Variants in CD6 observed in about 807,000 individuals in gnomAD.
CD6 encodes the protein CD6 molecule.
CD6 carries 53 observed loss-of-function variants against 75.3 expected under a neutral mutation model. That is an observed-to-expected ratio of 0.70 (90% CI 0.56 to 0.88). The LOEUF (loss-of-function observed/expected upper bound fraction) is 0.88. CD6 is among the 40% of genes least tolerant of loss of function. The pLI, the probability that CD6 is intolerant of heterozygous loss-of-function variation, is 0.00. For missense variants in CD6, 770 were observed against 897.1 expected (o/e 0.86, Z 1.81); for synonymous variants, 359 against 381.5 (o/e 0.94, Z 0.69).
chr11:60,997,916 A>G (rs1408798895), intron 1 of CD6, among the ~76,000 whole-genome samples: 1 of 152,174 alleles, frequency 6.6e-6, no homozygotes, highest in African/African-American at 2.4e-5. Flanking sequence ...ACAACACAGC[A>G]CCATATGATT....
At chr11:61,012,965 G>A (rs760536700) in intron 6 of CD6, among the ~76,000 whole-genome samples, 12 of 152,172 alleles carry the variant, frequency 7.9e-5, no homozygotes, top group Non-Finnish European at 1.6e-4. Flanking sequence ...CCCCAGTGTC[G>A]CTGTTCAAAC....
intron 1 of CD6, among the ~76,000 whole-genome samples, chr11:60,977,094 A>G (rs1857390565): frequency 6.6e-6 from 1 of 152,170 alleles, no homozygotes; most frequent in Non-Finnish European, 1.5e-5. Flanking sequence ...CGAACTTTAC[A>G]GAGGGATCTA....
intron 1 of CD6, 88 bp downstream of exon 1, chr11:60,972,002 G>A: frequency 1.5e-6 from 2 of 1,378,162 alleles, no homozygotes; most frequent in Non-Finnish European, 2.0e-6. Flanking sequence ...TTTCCTTGTG[G>A]TCACTTTTCT....
chr11:60,999,363 A>G (rs2135116643), intron 1 of CD6, among the ~76,000 whole-genome samples: 1 of 150,730 alleles, frequency 6.6e-6, no homozygotes, highest in South Asian at 2.1e-4. Context: ...TGACCAGGAT[A>G]GCTATGTAAT....
chr11:60,997,532 C>T (rs1858364340), intron 1 of CD6, among the ~76,000 whole-genome samples: 3 of 151,684 alleles, frequency 2.0e-5, no homozygotes, highest in Admixed American at 2.0e-4. Context: ...CATTTCTACA[C>T]ATCAATAAAA....
At chr11:60,995,291 T>C (rs887382131) in intron 1 of CD6, among the ~76,000 whole-genome samples, 2 of 152,104 alleles carry the variant, frequency 1.3e-5, no homozygotes, top group African/African-American at 4.8e-5. Context: ...ACTACAGGCA[T>C]GCACTACCAC....
chr11:60,994,772 T>A (rs1273423568), intron 1 of CD6, among the ~76,000 whole-genome samples: 1 of 152,232 alleles, frequency 6.6e-6, no homozygotes, highest in African/African-American at 2.4e-5. Context: ...GCTGAACTTG[T>A]TCCACGTGCT....
At chr11:61,005,449 A>C (rs2237998) in intron 1 of CD6, among the ~76,000 whole-genome samples, 4,940 of 152,334 alleles carry the variant, frequency 0.032, 290 homozygotes, top group East Asian at 0.24. Flanking sequence ...TGAATCTGAC[A>C]GAAGCCATAA....
intron 1 of CD6, among the ~76,000 whole-genome samples, chr11:60,987,681 T>G (rs1390269866): frequency 6.6e-6 from 1 of 151,580 alleles, no homozygotes; most frequent in Non-Finnish European, 1.5e-5. Context: ...AAGTTAGATA[T>G]CTCAGGTTAT....
At chr11:61,001,447 C>A (rs1215240231) in intron 1 of CD6, among the ~76,000 whole-genome samples, 1 of 152,138 alleles carries the variant, frequency 6.6e-6, no homozygotes, top group African/African-American at 2.4e-5. Context: ...GTGATCCACC[C>A]ACCTTGGCCT....
chr11:60,995,760 T>A (rs1858268548), intron 1 of CD6, among the ~76,000 whole-genome samples: 1 of 152,082 alleles, frequency 6.6e-6, no homozygotes, highest in Non-Finnish European at 1.5e-5. Context: ...GGATGACACA[T>A]GCCACCCAGG....
At chr11:60,976,165 C>T (rs1400288202) in intron 1 of CD6, among the ~76,000 whole-genome samples, 1 of 152,308 alleles carries the variant, frequency 6.6e-6, no homozygotes, top group East Asian at 1.9e-4. Flanking sequence ...ATTCCTCACT[C>T]CCCTCCCATC....
At chr11:60,984,500 G>A (rs3019545) in intron 1 of CD6, among the ~76,000 whole-genome samples, 151,934 of 152,330 alleles carry the variant, frequency 1, 75,771 homozygotes, top group Middle Eastern at 1. Flanking sequence ...CATCTTTACA[G>A]TTTTGCCATT....
At chr11:61,015,881 GGAGGGGGCCCC>G (rs1284616793) in intron 9 of CD6, 46 bp downstream of exon 9, 10 of 1,609,548 alleles carry the variant, frequency 6.2e-6, no homozygotes, top group Non-Finnish European at 8.5e-6. Flanking sequence ...CCTGAATCTG[GGAGGGGGCCCC>G]GAGGGGACCG....
chr11:61,002,689 A>G (rs1858641322), intron 1 of CD6, among the ~76,000 whole-genome samples: 1 of 152,258 alleles, frequency 6.6e-6, no homozygotes, highest in Non-Finnish European at 1.5e-5. Context: ...CCACAGAGTG[A>G]GTAATTTAAA....
At chr11:61,009,095 G>T (rs561026146) in intron 4 of CD6, among the ~76,000 whole-genome samples, 4 of 152,124 alleles carry the variant, frequency 2.6e-5, no homozygotes, top group Non-Finnish European at 2.9e-5. Flanking sequence ...ACCACCTCCC[G>T]GAAGAGGTGA....
intron 7 of CD6, 53 bp downstream of exon 7, chr11:61,013,616 G>A: frequency 6.3e-7 from 1 of 1,594,258 alleles, no homozygotes; most frequent in Non-Finnish European, 8.6e-7. Context: ...GTGAGCCTTG[G>A]CAGAACCCCA....
chr11:61,013,291 A>T (rs991054091), intron 6 of CD6, 132 bp from the exon 7 acceptor site: 37 of 1,055,886 alleles, frequency 3.5e-5, no homozygotes, highest in African/African-American at 4.8e-5. Context: ...GCAATGAGAA[A>T]ATTGGAAAAA....
rs144310688 is a variant in CD6 at position 61,019,288 on chromosome 11, C to A, written c.1977C>A (p.Asn659Lys). ...SPSPQPDSTD[N>K]DDYDDISAA ...GCCCTCAGCCTGACTCCACCGACAA[C>A]GATGACTACGATGACATCAGCGCAG... The change falls in exon 13 of 13, where the codon AAC becomes AAA. Residue 659 changes from asparagine to lysine, a missense_variant. By Grantham distance (94) the Asn-to-Lys change is moderately conservative. Transcript: ENST00000313421. 2 of 1,610,472 alleles carry A rather than the reference C, an allele frequency of 1.2e-6. No homozygotes were observed. The highest frequency in any genetic ancestry group is 1.7e-6 in the Non-Finnish European group (2 of 1,179,804).
Sources: gnomAD v4.1 joint callset for allele counts (sites outside exome capture counted in the v4.1 genomes callset) on GRCh38, gnomAD v4.1.1 for gene constraint, MANE v1.5 for transcripts, NCBI Gene and HGNC (gene_info 2026-07-23, HGNC 2026-07-21) for gene names.